The following OSBPL10 variants were observed in gnomAD, a reference collection of about 807,000 sequenced individuals.
The protein encoded by OSBPL10 is oxysterol binding protein like 10.
A neutral mutation model predicts 81.7 loss-of-function variants in OSBPL10; 49 were observed. The observed-to-expected ratio is 0.60, with a 90% CI of 0.48 to 0.76. The LOEUF is 0.76. OSBPL10 is among the 30% of genes least tolerant of loss of function. The probability of loss-of-function intolerance (pLI) is 0.00; values close to 1 mark genes in which losing one functional copy is unlikely to be tolerated. For missense variants in OSBPL10, 923 were observed against 987.8 expected, an observed-to-expected ratio of 0.93 and a Z score of 0.88; for synonymous variants, 419 against 383.6, an observed-to-expected ratio of 1.09 and a Z score of -1.08.
intron 4 of OSBPL10, among the ~76,000 whole-genome samples, chr3:31,808,984 A>C (rs991920239): frequency 6.6e-6 from 1 of 152,226 alleles, no homozygotes; most frequent in African/African-American, 2.4e-5. Context: ...TAATATATAA[A>C]CACATACATC....
intron 7 of OSBPL10, among the ~76,000 whole-genome samples, chr3:31,684,986 A>C (rs1021057241): frequency 1.3e-5 from 2 of 152,206 alleles, no homozygotes; most frequent in Non-Finnish European, 2.9e-5. Context: ...TCATTGATCC[A>C]AAGTGGATCC....
chr3:32,066,538 C>A (rs1699782388), intron 1 of OSBPL10: 1 of 152,236 alleles, frequency 6.6e-6, no homozygotes, highest in Non-Finnish European at 1.5e-5. Context: ...TGTACCACCT[C>A]CATTAGAAAC....
At chr3:31,902,258 AT>A (rs574112153) in intron 1 of OSBPL10, among the ~76,000 whole-genome samples, 12,281 of 117,694 alleles carry the variant, frequency 0.1, 522 homozygotes, top group East Asian at 0.26. Flanking sequence ...TCTTGTCAGT[AT>A]TTTTTTTTTT....
chr3:32,044,947 G>A (rs894827091), intron 2 of OSBPL10, among the ~76,000 whole-genome samples: 1 of 152,026 alleles, frequency 6.6e-6, no homozygotes, highest in African/African-American at 2.4e-5. Flanking sequence ...GGGCAAACTA[G>A]GCCTAACTCA....
In OSBPL10 at chr3:31,799,120, C is replaced by G. The variant is rs151130522; in HGVS notation, c.729+30920G>C. On this transcript the variant is annotated intron_variant, in intron 4 of 11. Coordinates refer to ENST00000396556, the MANE Select transcript of OSBPL10 (RefSeq NM_017784.5). ...TCAAGGTATACATATGTCAGCAGGT[C>G]TTTTACACATAAGACCCTTCCAGAA... Among the ~76,000 whole-genome samples, 601 of 152,238 alleles carry G rather than the reference C, an allele frequency of 3.9e-3. 2 individuals are homozygous for G. Among genetic ancestry groups the G allele is most frequent in the Non-Finnish European group, 7.1e-3 (481 of 68,002 alleles).
chr3:31,863,441 A>T (rs780732733), intron 3 of OSBPL10, among the ~76,000 whole-genome samples: 1 of 152,262 alleles, frequency 6.6e-6, no homozygotes, highest in Non-Finnish European at 1.5e-5. Context: ...TATGTGAATT[A>T]TATCTTAAAT....
At chr3:31,924,234 GAAAGA>G (rs1484979567) in intron 1 of OSBPL10, among the ~76,000 whole-genome samples, 1 of 142,404 alleles carries the variant, frequency 7.0e-6, no homozygotes, top group Non-Finnish European at 1.5e-5. Context: ...AAAAAAGAAA[GAAAGA>G]AAAGAAAAAA....
intron 1 of OSBPL10, among the ~76,000 whole-genome samples, chr3:32,074,176 C>A (rs934871784): frequency 1.3e-5 from 2 of 152,132 alleles, no homozygotes; most frequent in Non-Finnish European, 2.9e-5. Flanking sequence ...ACTTTACCCG[C>A]CTGAGGAACT....
intron 2 of OSBPL10, among the ~76,000 whole-genome samples, chr3:32,026,292 A>C (rs754858819): frequency 6.6e-6 from 1 of 152,092 alleles, no homozygotes; most frequent in African/African-American, 2.4e-5. Flanking sequence ...ATGAGCCACC[A>C]TGCCCAGCTA....
At chr3:31,729,611 G>T (rs1469117374) in intron 6 of OSBPL10, among the ~76,000 whole-genome samples, 1 of 152,150 alleles carries the variant, frequency 6.6e-6, no homozygotes, top group Non-Finnish European at 1.5e-5. Context: ...AATAGAGATG[G>T]GGTTTTACCA....
intron 3 of OSBPL10, among the ~76,000 whole-genome samples, chr3:31,834,077 G>A: frequency 6.6e-6 from 1 of 152,138 alleles, no homozygotes; most frequent in East Asian, 1.9e-4. Context: ...CAGGTAATCA[G>A]TCATTACAAG....
intron 1 of OSBPL10, among the ~76,000 whole-genome samples, chr3:31,955,613 C>A (rs982256984): frequency 1.3e-5 from 2 of 152,250 alleles, no homozygotes; most frequent in Non-Finnish European, 2.9e-5. Context: ...ACTCAATCCT[C>A]TTCCCTCTTT....
intron 3 of OSBPL10, among the ~76,000 whole-genome samples, chr3:31,857,613 T>C (rs1700944480): frequency 1.3e-5 from 2 of 150,962 alleles, no homozygotes; most frequent in Admixed American, 1.3e-4. Flanking sequence ...AGTAACTACA[T>C]TTTTAATATA....
chr3:31,671,235 G>A (rs573455740), intron 8 of OSBPL10, among the ~76,000 whole-genome samples: 16 of 152,284 alleles, frequency 1.1e-4, no homozygotes, highest in African/African-American at 3.6e-4. Context: ...GTCACCAAAT[G>A]AACACAAAAT....
At chr3:31,951,148 A>G (rs1243971873) in intron 1 of OSBPL10, among the ~76,000 whole-genome samples, 1 of 152,188 alleles carries the variant, frequency 6.6e-6, no homozygotes, top group East Asian at 1.9e-4. Context: ...TGAACAACCT[A>G]AATACCCATC....
At chr3:31,971,677 C>T (rs1698571072) in intron 1 of OSBPL10, among the ~76,000 whole-genome samples, 1 of 152,198 alleles carries the variant, frequency 6.6e-6, no homozygotes, top group Non-Finnish European at 1.5e-5. Flanking sequence ...GCCTCAACTA[C>T]TTGCATAAGA....
In OSBPL10 at chr3:31,934,292, AAAC is replaced by A. The variant is rs201849319; in HGVS notation, c.281+46604_281+46606del. Among the ~76,000 whole-genome samples, 966 of 152,212 alleles carry A rather than the reference AAAC, an allele frequency of 6.3e-3. 8 individuals carry two copies. The highest frequency in any genetic ancestry group is 0.022 in the African/African-American group (920 of 41,532). ...TCAAGATCAGCCTGGCCCATTTAAA[AAAC>A]AACAACAACAAAAAAAAAGGAAGCA... On this transcript the variant is annotated intron_variant, in intron 1 of 11. Transcript: ENST00000396556.
intron 6 of OSBPL10, among the ~76,000 whole-genome samples, chr3:31,712,327 C>G (rs1696284623): frequency 6.6e-6 from 1 of 152,236 alleles, no homozygotes; most frequent in Non-Finnish European, 1.5e-5. Flanking sequence ...GACCCCTGAG[C>G]TGCCCACATC....
rs138228185 is a variant in OSBPL10, at chr3:31,750,160, C to T, written c.730-2040G>A. Reference sequence around the variant, plus strand: ...TCGCGCCACTGCACTCCAGCCTGGGCGACAGAGCAAGACTCAGTCTCCAAA... The same window carrying T: ...TCGCGCCACTGCACTCCAGCCTGGGTGACAGAGCAAGACTCAGTCTCCAAA... On this transcript the variant is annotated intron_variant, in intron 4 of 11. Transcript: ENST00000396556. Among the ~76,000 whole-genome samples the T allele has an allele frequency of 7.9e-5, 12 of 151,918 alleles. No homozygotes were observed. In the East Asian group the frequency reaches 9.6e-4, roughly 12 times the overall value.
Sources: gnomAD v4.1 joint callset for allele counts (sites outside exome capture counted in the v4.1 genomes callset) on GRCh38, gnomAD v4.1.1 for gene constraint, MANE v1.5 for transcripts, NCBI Gene and HGNC (gene_info 2026-07-23, HGNC 2026-07-21) for gene names.